Variants in NF1 observed in about 807,000 individuals in gnomAD.
NF1 encodes the protein neurofibromin.
A neutral mutation model predicts 325.7 loss-of-function variants in NF1; 122 were observed. That is an observed-to-expected ratio of 0.37 (90% CI 0.32 to 0.44). NF1 has a LOEUF of 0.44. Among genes scored for constraint, NF1 ranks in the 20% least tolerant of loss-of-function variants. The pLI, the probability that NF1 is intolerant of heterozygous loss-of-function variation, is 1.00. For missense variants in NF1, 2,140 were observed against 3,415.4 expected, an observed-to-expected ratio of 0.63 and a Z score of 9.31; for synonymous variants, 1,091 against 1,186.0, an observed-to-expected ratio of 0.92 and a Z score of 1.65.
rs1279248932 is a variant in NF1, at chr17:31,335,455, G to A, written c.6006+424G>A. Among the ~76,000 whole-genome samples the A allele has an allele frequency of 2.7e-5, 4 of 149,406 alleles. No homozygotes were observed. In the South Asian group the frequency reaches 6.3e-4, roughly 24 times the overall value. ...CTTATTGATGCTATTTGGGACATCTGCTTTCATTTATAGTTCTACATAAGA... is the reference window on the plus strand; with the variant it reads ...CTTATTGATGCTATTTGGGACATCTACTTTCATTTATAGTTCTACATAAGA... On this transcript the variant is annotated intron_variant, in intron 40 of 57. Coordinates refer to ENST00000358273, the MANE Select transcript of NF1 (RefSeq NM_001042492.3).
intron 1 of NF1, among the ~76,000 whole-genome samples, chr17:31,109,204 C>T (rs1051119029): frequency 6.6e-6 from 1 of 152,114 alleles, no homozygotes; most frequent in Non-Finnish European, 1.5e-5. Context: ...CTTTTCATGA[C>T]TTCTGCAAGT....
intron 1 of NF1, among the ~76,000 whole-genome samples, chr17:31,130,870 C>T (rs1227471493): frequency 6.6e-6 from 1 of 152,322 alleles, no homozygotes; most frequent in East Asian, 1.9e-4. Flanking sequence ...CATGGAGCAG[C>T]CTTCGGTGGG....
chr17:31,355,104 G>A (rs996313995), intron 51 of NF1, among the ~76,000 whole-genome samples: 5 of 152,164 alleles, frequency 3.3e-5, no homozygotes, highest in African/African-American at 1.2e-4. Flanking sequence ...CGGGAAGAAA[G>A]TAAACAAGTA....
chr17:31,243,887 C>G (rs532641210), intron 29 of NF1, among the ~76,000 whole-genome samples: 1 of 151,794 alleles, frequency 6.6e-6, no homozygotes, highest in Non-Finnish European at 1.5e-5. Context: ...GAAGGGGTCT[C>G]TCTCCATAGC....
At chr17:31,327,114 G>A (rs1236449434) in intron 37 of NF1, among the ~76,000 whole-genome samples, 8 of 151,796 alleles carry the variant, frequency 5.3e-5, no homozygotes, top group East Asian at 1.9e-4. Context: ...GATTATAGGC[G>A]CCCACCGCCA....
At chr17:31,352,949 C>T (rs1327368340) in intron 51 of NF1, among the ~76,000 whole-genome samples, 1 of 152,074 alleles carries the variant, frequency 6.6e-6, no homozygotes, top group African/African-American at 2.4e-5. Flanking sequence ...GTTCTGTTCA[C>T]CCAGGCTGGA....
At chr17:31,172,531 T>A (rs2065947463) in intron 5 of NF1, among the ~76,000 whole-genome samples, 1 of 152,228 alleles carries the variant, frequency 6.6e-6, no homozygotes, top group South Asian at 2.1e-4. Flanking sequence ...CCTTGCGCTA[T>A]GCAGTTTGCA....
chr17:31,248,321 T>C (rs1327535514), intron 29 of NF1, among the ~76,000 whole-genome samples: 1 of 151,906 alleles, frequency 6.6e-6, no homozygotes, highest in African/African-American at 2.4e-5. Context: ...CATGATATTC[T>C]TGTTTTATCT....
chr17:31,297,693 C>T (rs1171535381), intron 36 of NF1, among the ~76,000 whole-genome samples: 3 of 152,040 alleles, frequency 2.0e-5, no homozygotes, highest in Non-Finnish European at 4.4e-5. Flanking sequence ...GTATAATTTT[C>T]ATGTCACTTT....
chr17:31,338,520 A>G (rs1433792724), intron 45 of NF1, among the ~76,000 whole-genome samples, 184 bp from the exon 46 acceptor site: 2 of 152,220 alleles, frequency 1.3e-5, no homozygotes, highest in African/African-American at 4.8e-5. Flanking sequence ...CTTATAATGT[A>G]GAAATGTCAA....
chr17:31,222,674 G>A (rs1286473488), intron 15 of NF1: 2 of 279,802 alleles, frequency 7.1e-6, no homozygotes, highest in East Asian at 9.3e-5. Context: ...GTTTAACCCG[G>A]TGTATATTAT....
intron 49 of NF1, 111 bp from the exon 50 acceptor site, chr17:31,350,072 T>C: frequency 1.8e-6 from 2 of 1,104,948 alleles, no homozygotes; most frequent in Non-Finnish European, 2.8e-6. Context: ...CCAAAATATG[T>C]GCACATTTAA....
intron 9 of NF1, 92 bp downstream of exon 9, chr17:31,200,687 T>A: frequency 7.1e-7 from 1 of 1,411,560 alleles, no homozygotes; most frequent in Non-Finnish European, 9.9e-7. Flanking sequence ...TTGCTAACAT[T>A]AAAGTTCTGA....
At chr17:31,158,890 A>G in intron 2 of NF1, 120 bp from the exon 3 acceptor site, 1 of 664,946 alleles carries the variant, frequency 1.5e-6, no homozygotes, top group Non-Finnish European at 2.8e-6. Flanking sequence ...AGTATAGTAT[A>G]ATCTGGGAGG....
intron 2 of NF1, among the ~76,000 whole-genome samples, chr17:31,158,010 GTAGTACAGAACAC>G (rs2065696193): frequency 6.6e-6 from 1 of 151,988 alleles, no homozygotes; most frequent in Admixed American, 6.6e-5. Context: ...TCATTCTACA[GTAGTACAGAACAC>G]TAAGTCTTAT....
intron 1 of NF1, among the ~76,000 whole-genome samples, chr17:31,122,743 T>G (rs1914542541): frequency 6.6e-6 from 1 of 152,230 alleles, no homozygotes; most frequent in Non-Finnish European, 1.5e-5. Context: ...AAGGTGAATT[T>G]TTTATTTTCC....
intron 4 of NF1, among the ~76,000 whole-genome samples, chr17:31,164,788 C>A (rs190717214): frequency 6.6e-6 from 1 of 152,064 alleles, no homozygotes; most frequent in Non-Finnish European, 1.5e-5. Context: ...AACCTCAATG[C>A]AATTCTTGAT....
intron 51 of NF1, among the ~76,000 whole-genome samples, chr17:31,353,679 G>T (rs2070208050): frequency 6.6e-6 from 1 of 152,174 alleles, no homozygotes; most frequent in South Asian, 2.1e-4. Context: ...ATGCAGAGAT[G>T]TTCTTGCATT....
chr17:31,260,716 T>A lies in NF1; in HGVS notation c.4577+201T>A, dbSNP rs1405634384. Reference sequence around the variant, plus strand: ...AAATAATCAACAAACCTACCTAGGTTCCAGTGGTCATTATTATTATTTTTT... The same window carrying A: ...AAATAATCAACAAACCTACCTAGGTACCAGTGGTCATTATTATTATTTTTT... On this transcript the variant is annotated intron_variant, in intron 34 of 57. Transcript: ENST00000358273. Among the ~76,000 whole-genome samples the A allele has an allele frequency of 1.3e-5, 2 of 152,200 alleles. 1 individual carries two copies. Among genetic ancestry groups the A allele is most frequent in the Non-Finnish European group, 2.9e-5 (2 of 68,018 alleles).
Sources: gnomAD v4.1 joint callset for allele counts (sites outside exome capture counted in the v4.1 genomes callset) on GRCh38, gnomAD v4.1.1 for gene constraint, MANE v1.5 for transcripts, NCBI Gene and HGNC (gene_info 2026-07-23, HGNC 2026-07-21) for gene names.